Variants in RAB3C observed in about 807,000 individuals in gnomAD.
RAB3C encodes ras-related protein Rab-3C.
In RAB3C, 17 loss-of-function variants were observed where a neutral mutation model predicts 26.4. That is an observed-to-expected ratio of 0.64 (90% CI 0.44 to 0.97). The LOEUF (loss-of-function observed/expected upper bound fraction) is 0.97, where lower values mean the gene tolerates loss of function less well. Among genes scored for constraint, RAB3C ranks in the 50% least tolerant of loss-of-function variants. RAB3C has a pLI of 0.00. For missense variants in RAB3C, 242 were observed against 281.9 expected (o/e 0.86, Z 1.01); for synonymous variants, 91 against 95.9 (o/e 0.95, Z 0.30).
At chr5:58,850,749 T>C (rs1195084164) in intron 4 of RAB3C, among the ~76,000 whole-genome samples, 1 of 152,170 alleles carries the variant, frequency 6.6e-6, no homozygotes, top group African/African-American at 2.4e-5. Context: ...TGCAAGAGTC[T>C]ACATGGTGCG....
At chr5:58,597,251 T>TA (rs1746331466) in intron 1 of RAB3C, among the ~76,000 whole-genome samples, 2 of 125,030 alleles carry the variant, frequency 1.6e-5, no homozygotes, top group East Asian at 4.7e-4. Flanking sequence ...TATTATATAA[T>TA]ATATACTACA....
intron 2 of RAB3C, among the ~76,000 whole-genome samples, chr5:58,650,182 A>G (rs886316863): frequency 6.6e-6 from 1 of 152,204 alleles, no homozygotes; most frequent in Non-Finnish European, 1.5e-5. Context: ...ATAAATAAAC[A>G]TTAAATACTG....
intron 4 of RAB3C, among the ~76,000 whole-genome samples, chr5:58,834,736 A>G (rs1743698027): frequency 6.6e-6 from 1 of 152,206 alleles, no homozygotes; most frequent in African/African-American, 2.4e-5. Flanking sequence ...GGAGGTATAA[A>G]CTAAACCAAC....
At chr5:58,834,606 G>C (rs1186293732) in intron 4 of RAB3C, among the ~76,000 whole-genome samples, 1 of 152,174 alleles carries the variant, frequency 6.6e-6, no homozygotes, top group Non-Finnish European at 1.5e-5. Context: ...GTTCAGCAGG[G>C]AATCCCAGTG....
chr5:58,812,987 A>G (rs1039571002), intron 3 of RAB3C, among the ~76,000 whole-genome samples: 1 of 152,304 alleles, frequency 6.6e-6, no homozygotes, highest in African/African-American at 2.4e-5. Flanking sequence ...CTAATTAGGT[A>G]CAAAAACTGG....
chr5:58,815,112 C>T (rs1341981973), intron 3 of RAB3C, among the ~76,000 whole-genome samples: 2 of 151,976 alleles, frequency 1.3e-5, no homozygotes, highest in Non-Finnish European at 2.9e-5. Flanking sequence ...TTGGTTTTTC[C>T]AGGAGATATA....
intron 1 of RAB3C, among the ~76,000 whole-genome samples, chr5:58,597,704 A>AAC (rs1746350490): frequency 2.7e-5 from 3 of 113,078 alleles, no homozygotes; most frequent in East Asian, 2.1e-4. Context: ...ATAAGTATAT[A>AAC]ATATAATATA....
In RAB3C at chr5:58,691,542, G is replaced by C. The variant is rs528196199; in HGVS notation, c.253-34460G>C. Among the ~76,000 whole-genome samples the C allele has an allele frequency of 4.6e-5, 7 of 152,048 alleles. No homozygotes were observed. The East Asian group carries it at 1.3e-3, about 29-fold the overall frequency. On this transcript the variant is annotated intron_variant, in intron 2 of 4. Transcript: ENST00000282878. ...ACTAATTAAAAGATCTGTGTGGAAG[G>C]AGAAAATGTGGGTAATTACCAGGCA...
intron 3 of RAB3C, among the ~76,000 whole-genome samples, chr5:58,762,055 CAAA>C (rs57056495): frequency 2.3e-5 from 3 of 130,366 alleles, no homozygotes; most frequent in African/African-American, 2.9e-5. Context: ...CTTTTAGAAG[CAAA>C]AAAAAAAAAA....
At chr5:58,607,346 G>A (rs547101129) in intron 1 of RAB3C, among the ~76,000 whole-genome samples, 73 of 152,236 alleles carry the variant, frequency 4.8e-4, no homozygotes, top group Admixed American at 4.6e-3. Context: ...AATAAAGCAA[G>A]AAGACAAGAT....
intron 2 of RAB3C, among the ~76,000 whole-genome samples, chr5:58,687,098 A>G (rs1434916654): frequency 2.0e-5 from 3 of 152,128 alleles, no homozygotes; most frequent in Admixed American, 2.0e-4. Context: ...CAATGTAATC[A>G]TCTTTGTTTC....
At chr5:58,781,989 A>T (rs1009488833) in intron 3 of RAB3C, among the ~76,000 whole-genome samples, 8 of 152,192 alleles carry the variant, frequency 5.3e-5, no homozygotes, top group African/African-American at 1.9e-4. Context: ...CTTTTTAAAA[A>T]TTTTTGTAAT....
At chr5:58,699,066 A>G (rs568973238) in intron 2 of RAB3C, among the ~76,000 whole-genome samples, 1 of 151,538 alleles carries the variant, frequency 6.6e-6, no homozygotes, top group Non-Finnish European at 1.5e-5. Flanking sequence ...TTGTGGTTTT[A>G]TCTATCTTTG....
chr5:58,802,445 CAG>C (rs1420387068), intron 3 of RAB3C, among the ~76,000 whole-genome samples: 2 of 152,172 alleles, frequency 1.3e-5, no homozygotes, highest in African/African-American at 4.8e-5. Flanking sequence ...ACTTCACATG[CAG>C]AGTTTGCAGA....
intron 2 of RAB3C, among the ~76,000 whole-genome samples, chr5:58,698,388 T>C (rs184174421): frequency 3.6e-4 from 55 of 152,306 alleles, no homozygotes; most frequent in African/African-American, 1.3e-3. Context: ...TTGGTGAATC[T>C]GAAAATTTTG....
intron 4 of RAB3C, among the ~76,000 whole-genome samples, chr5:58,837,557 CTTTTTTTTTT>C (rs36020735): frequency 2.5e-5 from 3 of 118,898 alleles, no homozygotes; most frequent in Non-Finnish European, 5.0e-5. Context: ...TTCAGTCTCT[CTTTTTTTTTT>C]TTTTTTTTTG....
Position 58,855,165 on chromosome 5 carries a change from G to A in RAB3C, c.*3814G>A, listed in dbSNP as rs891046973. The stretch of plus-strand genomic sequence containing the variant: ...ACTATGTGATATTTTAGTTAACAGT[G>A]TGGCATTTGTGGGACTATATTAAAA... On this transcript the variant is annotated 3_prime_UTR_variant, in exon 5 of 5. Transcript: ENST00000282878. 6 of 152,096 alleles carry A rather than the reference G, an allele frequency of 3.9e-5. No homozygotes were observed. Among genetic ancestry groups the A allele is most frequent in the African/African-American group, 7.2e-5 (3 of 41,416 alleles). 9.4% of individuals were successfully genotyped at this position (152,096 alleles called of 1,614,324 possible).
intron 4 of RAB3C, among the ~76,000 whole-genome samples, chr5:58,830,341 A>G (rs778448965): frequency 1.2e-4 from 18 of 152,208 alleles, no homozygotes; most frequent in Non-Finnish European, 2.1e-4. Flanking sequence ...CAAAAGGTCT[A>G]GATAAATCAA....
chr5:58,777,548 T>G (rs928699583), intron 3 of RAB3C, among the ~76,000 whole-genome samples: 1 of 152,050 alleles, frequency 6.6e-6, no homozygotes, highest in Non-Finnish European at 1.5e-5. Context: ...ATTTTATATG[T>G]CTATATCTCC....
Sources: gnomAD v4.1 joint callset for allele counts (sites outside exome capture counted in the v4.1 genomes callset) on GRCh38, gnomAD v4.1.1 for gene constraint, MANE v1.5 for transcripts, NCBI Gene and HGNC (gene_info 2026-07-23, HGNC 2026-07-21) for gene names.